The following CDH13 variants were observed in gnomAD, a reference collection of about 807,000 sequenced individuals.
CDH13 encodes the protein cadherin 13.
In CDH13, 24 loss-of-function variants were observed where a neutral mutation model predicts 63.8. The observed-to-expected ratio is 0.38, with a 90% confidence interval of 0.27 to 0.53. The LOEUF is 0.53. CDH13 is among the 20% of genes least tolerant of loss of function. The pLI is 0.85. For synonymous variants in CDH13, 503 were observed against 355.3 expected (o/e 1.42, Z -4.67); for missense variants, 1,049 against 903.1 (o/e 1.16, Z -2.07).
intron 5 of CDH13, among the ~76,000 whole-genome samples, chr16:83,322,802 C>T (rs1388629689): frequency 6.6e-6 from 1 of 152,128 alleles, no homozygotes; most frequent in Admixed American, 6.5e-5. Flanking sequence ...TTTCTCAGTA[C>T]CTACAGGTTA....
At chr16:83,319,419 G>A (rs527349748) in intron 5 of CDH13, among the ~76,000 whole-genome samples, 28 of 152,328 alleles carry the variant, frequency 1.8e-4, no homozygotes, top group African/African-American at 6.7e-4. Context: ...GAAAGCAGCT[G>A]CAGCTATATC....
intron 2 of CDH13, among the ~76,000 whole-genome samples, chr16:82,983,254 C>T (rs927163265): frequency 1.3e-5 from 2 of 152,176 alleles, no homozygotes; most frequent in South Asian, 2.1e-4. Context: ...GCCTTCCTTT[C>T]CTCTCTCCTT....
chr16:83,070,994 A>G (rs532061030), intron 3 of CDH13, among the ~76,000 whole-genome samples: 1 of 152,172 alleles, frequency 6.6e-6, no homozygotes, highest in East Asian at 1.9e-4. Context: ...CCGTCTTAAC[A>G]TGATGCACCT....
At chr16:83,112,842 C>G (rs560351591) in intron 3 of CDH13, among the ~76,000 whole-genome samples, 1 of 152,256 alleles carries the variant, frequency 6.6e-6, no homozygotes, top group South Asian at 2.1e-4. Flanking sequence ...AAAAATATTT[C>G]TCAACTTTAT....
At chr16:83,268,585 G>A (rs61282493) in intron 5 of CDH13, among the ~76,000 whole-genome samples, 9,004 of 152,206 alleles carry the variant, frequency 0.059, 312 homozygotes, top group East Asian at 0.13. Flanking sequence ...CAAAGTCTAC[G>A]TTTCTACGTT....
At chr16:83,618,217 G>T (rs1909467142) in intron 8 of CDH13, among the ~76,000 whole-genome samples, 1 of 152,102 alleles carries the variant, frequency 6.6e-6, no homozygotes, top group Non-Finnish European at 1.5e-5. Context: ...CTAAGCTCAG[G>T]AGTTCAAGAC....
rs201076640 is a variant in CDH13 at position 83,159,196 on chromosome 16, CA to C, written c.483+33704del. Among the ~76,000 whole-genome samples the C allele has an allele frequency of 5.4e-3, 805 of 149,976 alleles. 12 individuals carry two copies. The highest frequency in any genetic ancestry group is 0.019 in the African/African-American group (762 of 40,990). On this transcript the variant is annotated intron_variant, in intron 4 of 13. Coordinates refer to ENST00000567109, the MANE Select transcript of CDH13 (RefSeq NM_001257.5). Reference sequence around the variant, plus strand: ...GCTTTTAAAAATACCCTGGGGGAAACAAAAAAAAAGACCATTCATCAGTCTG... The same window carrying C: ...GCTTTTAAAAATACCCTGGGGGAAACAAAAAAAAGACCATTCATCAGTCTG...
intron 4 of CDH13, among the ~76,000 whole-genome samples, chr16:83,167,192 T>C (rs1187011287): frequency 1.4e-5 from 2 of 147,028 alleles, no homozygotes; most frequent in Non-Finnish European, 3.0e-5. Context: ...GTAAGTGAAA[T>C]GTAGTATTAA....
At chr16:82,662,457 AT>A (rs1255340858) in intron 1 of CDH13, among the ~76,000 whole-genome samples, 3 of 152,368 alleles carry the variant, frequency 2.0e-5, no homozygotes, top group South Asian at 4.1e-4. Flanking sequence ...ATTGAGAAAC[AT>A]GAACAGAGGG....
intron 6 of CDH13, among the ~76,000 whole-genome samples, chr16:83,364,879 G>C (rs2091229321): frequency 6.6e-6 from 1 of 152,158 alleles, no homozygotes; most frequent in Non-Finnish European, 1.5e-5. Context: ...TGGACACAGG[G>C]AGGGGAACAT....
At position 83,366,755 on chromosome 16, in the gene CDH13, T is replaced by A. The variant is rs536436764; in HGVS notation, c.781+21749T>A. Among the ~76,000 whole-genome samples the A allele has an allele frequency of 7.9e-5, 12 of 152,274 alleles. No homozygotes were observed. In the East Asian group the frequency reaches 2.3e-3, roughly 29 times the overall value. On this transcript the variant is annotated intron_variant, in intron 6 of 13. Coordinates refer to ENST00000567109, the MANE Select transcript of CDH13 (RefSeq NM_001257.5). ...TGACCTTCTCCTGACCTGTCTTCAT[T>A]GCAGAATTGCTGGAAAGTCTGAAAT...
intron 1 of CDH13, among the ~76,000 whole-genome samples, chr16:82,642,018 C>G (rs997215447): frequency 6.8e-6 from 1 of 146,974 alleles, no homozygotes; most frequent in Non-Finnish European, 1.5e-5. Flanking sequence ...AAACCCAGTT[C>G]TTCCATTCAC....
intron 10 of CDH13, among the ~76,000 whole-genome samples, chr16:83,723,767 T>G (rs1032195000): frequency 2.6e-5 from 4 of 152,196 alleles, no homozygotes; most frequent in Non-Finnish European, 4.4e-5. Flanking sequence ...CCTTGTTCTC[T>G]TTCATATATG....
intron 4 of CDH13, among the ~76,000 whole-genome samples, chr16:83,202,066 G>T (rs777812834): frequency 6.6e-6 from 1 of 152,120 alleles, no homozygotes; most frequent in Non-Finnish European, 1.5e-5. Context: ...CTTTGCCAAG[G>T]TCTCTGCTAA....
chr16:83,423,019 T>A (rs1291209065), intron 6 of CDH13, among the ~76,000 whole-genome samples: 1 of 152,220 alleles, frequency 6.6e-6, no homozygotes, highest in Non-Finnish European at 1.5e-5. Context: ...CCAGAAAGCT[T>A]CATTTTTGTG....
chr16:83,713,861 T>A (rs1908466853), intron 10 of CDH13, among the ~76,000 whole-genome samples: 1 of 152,212 alleles, frequency 6.6e-6, no homozygotes. Flanking sequence ...CCCTCTTGAC[T>A]GCCTTCCTCA....
intron 6 of CDH13, among the ~76,000 whole-genome samples, chr16:83,419,821 A>G (rs2071662232): frequency 3.3e-5 from 5 of 152,300 alleles, no homozygotes; most frequent in Admixed American, 1.3e-4. Context: ...GTCACCTAAA[A>G]TTATTGAACA....
rs551083582 is a variant in CDH13 at position 83,116,208 on chromosome 16, C to G, written c.367-9177C>G. 2.6e-5 allele frequency among the ~76,000 whole-genome samples: 4 copies of G among 152,306 alleles called. No individual in the cohort carries two copies. The East Asian group carries it at 7.7e-4, about 29-fold the overall frequency. On this transcript the variant is annotated intron_variant, in intron 3 of 13. Transcript: ENST00000567109. The stretch of plus-strand genomic sequence containing the variant: ...GGACACCTTCCCCATTTGGTCTTGA[C>G]ATTGAGCACCATGCTTTGGCAGGTG...
intron 2 of CDH13, among the ~76,000 whole-genome samples, chr16:82,900,233 C>T (rs1241138387): frequency 1.3e-5 from 2 of 152,164 alleles, no homozygotes; most frequent in Non-Finnish European, 2.9e-5. Context: ...CCATGCCTGT[C>T]CCAAGTATAG....
Sources: allele counts gnomAD v4.1 joint callset (sites outside exome capture counted in the v4.1 genomes callset), GRCh38; gene constraint gnomAD v4.1.1; transcripts MANE v1.5; gene names NCBI Gene and HGNC (gene_info 2026-07-23, HGNC 2026-07-21).